Variants in ARK2N observed in about 807,000 individuals in gnomAD.
ARK2N encodes protein ARK2N.
the ARK2N span, among the ~76,000 whole-genome samples, chr18:46,176,021 A>G: frequency 6.6e-6 from 1 of 152,222 alleles, no homozygotes; most frequent in Non-Finnish European, 1.5e-5. Context: ...CCATATAGTA[A>G]AGATAAATTC....
the ARK2N span, among the ~76,000 whole-genome samples, chr18:46,234,391 G>A: frequency 2.0e-5 from 3 of 152,002 alleles, no homozygotes; most frequent in Non-Finnish European, 2.9e-5. Context: ...AGAGACGGGG[G>A]TTTCACTATG....
At chr18:46,183,205 T>C in the ARK2N span, among the ~76,000 whole-genome samples, 4 of 152,188 alleles carry the variant, frequency 2.6e-5, no homozygotes, top group Admixed American at 2.0e-4. Flanking sequence ...AATCTGTAGG[T>C]TCCCCCTCCA....
chr18:46,201,025 G>A, the ARK2N span, among the ~76,000 whole-genome samples: 1 of 148,178 alleles, frequency 6.7e-6, no homozygotes, highest in African/African-American at 2.5e-5. Flanking sequence ...TGTCACCCAG[G>A]CTGGAGTGCA....
At chr18:46,259,284 C>T in the ARK2N span, among the ~76,000 whole-genome samples, 1 of 149,690 alleles carries the variant, frequency 6.7e-6, no homozygotes, top group East Asian at 2.0e-4. Flanking sequence ...CATTCTGTCA[C>T]CCAGGCTGGA....
the ARK2N span, among the ~76,000 whole-genome samples, chr18:46,197,276 G>C: frequency 2.6e-5 from 4 of 151,904 alleles, no homozygotes; most frequent in Non-Finnish European, 4.4e-5. Context: ...GACAGAGTCT[G>C]GAGTCTGGAG....
the ARK2N span, chr18:46,228,872 A>G: frequency 1.0e-5 from 4 of 398,422 alleles, no homozygotes; most frequent in African/African-American, 2.1e-5. Flanking sequence ...GGCCTAAAAC[A>G]TAGGTATTAA....
At chr18:46,236,781 TTATTC>T in the ARK2N span, among the ~76,000 whole-genome samples, 3 of 152,216 alleles carry the variant, frequency 2.0e-5, no homozygotes, top group Admixed American at 1.3e-4. Flanking sequence ...ATCCCCGTGT[TTATTC>T]TATCCTATAA....
At chr18:46,259,813 TTTGACAGAGATGGG>T in the ARK2N span, among the ~76,000 whole-genome samples, 23 of 145,378 alleles carry the variant, frequency 1.6e-4, no homozygotes, top group African/African-American at 2.3e-4. Flanking sequence ...TGTGTGTGTG[TTTGACAGAGATGGG>T]GTTTCACCAT....
At chr18:46,175,501 T>C in the ARK2N span, among the ~76,000 whole-genome samples, 1 of 151,730 alleles carries the variant, frequency 6.6e-6, no homozygotes, top group Non-Finnish European at 1.5e-5. Context: ...ATCAGAGCAT[T>C]GCCTTTTGGT....
the ARK2N span, chr18:46,240,261 C>T: frequency 6.7e-7 from 1 of 1,500,512 alleles, no homozygotes; most frequent in Non-Finnish European, 9.1e-7. Context: ...TTGTAGTGGA[C>T]CCTGATGAGG....
the ARK2N span, among the ~76,000 whole-genome samples, chr18:46,195,681 G>A: frequency 1.4e-5 from 2 of 143,832 alleles, no homozygotes; most frequent in Admixed American, 1.5e-4. Flanking sequence ...AGTTCAAGCA[G>A]TCCTCCTCCT....
chr18:46,199,643 A>G, the ARK2N span, among the ~76,000 whole-genome samples: 1 of 152,028 alleles, frequency 6.6e-6, no homozygotes, highest in African/African-American at 2.4e-5. Flanking sequence ...CACAAGAGAG[A>G]TTACTGTAGG....
chr18:46,175,623 C>G, the ARK2N span, among the ~76,000 whole-genome samples: 1 of 151,936 alleles, frequency 6.6e-6, no homozygotes, highest in Admixed American at 6.6e-5. Flanking sequence ...CTGCCTCAGC[C>G]TCCCGAGTAG....
the ARK2N span, among the ~76,000 whole-genome samples, chr18:46,211,188 A>G: frequency 6.6e-6 from 1 of 152,078 alleles, no homozygotes; most frequent in Non-Finnish European, 1.5e-5. Flanking sequence ...CTGGTAATAA[A>G]TGTTCCACTG....
chr18:46,233,912 A>G, the ARK2N span, among the ~76,000 whole-genome samples: 1 of 152,200 alleles, frequency 6.6e-6, no homozygotes, highest in African/African-American at 2.4e-5. Flanking sequence ...GTTTCCATGT[A>G]GCCCTATCTT....
At chr18:46,223,674 A>G in the ARK2N span, among the ~76,000 whole-genome samples, 1 of 152,218 alleles carries the variant, frequency 6.6e-6, no homozygotes, top group African/African-American at 2.4e-5. Context: ...GGTTGATGGT[A>G]TAAGGCTAAG....
At chr18:46,246,830 A>G in the ARK2N span, among the ~76,000 whole-genome samples, 1 of 151,460 alleles carries the variant, frequency 6.6e-6, no homozygotes, top group African/African-American at 2.4e-5. Context: ...AATCCCACCT[A>G]CTCAGGAGGC....
At chr18:46,217,713 A>G in the ARK2N span, 1 of 152,202 alleles carries the variant, frequency 6.6e-6, no homozygotes, top group Non-Finnish European at 1.5e-5. Flanking sequence ...TCAAGTTCTG[A>G]TAATAAGTCT....
chr18:46,208,275 C>T, the ARK2N span, among the ~76,000 whole-genome samples: 6 of 152,056 alleles, frequency 3.9e-5, no homozygotes, highest in Admixed American at 2.6e-4. Context: ...TTGCTTTATG[C>T]TTTAAGAAAT....
Sources: allele counts gnomAD v4.1 joint callset (sites outside exome capture counted in the v4.1 genomes callset), GRCh38; gene constraint gnomAD v4.1.1; transcripts MANE v1.5; gene names NCBI Gene and HGNC (gene_info 2026-07-23, HGNC 2026-07-21).